The following INTS3 variants were observed in gnomAD, a reference collection of about 807,000 sequenced individuals.
The protein encoded by INTS3 is SOSS complex subunit A.
A neutral mutation model predicts 146.3 loss-of-function variants in INTS3; 34 were observed. That is an observed-to-expected ratio of 0.23 (90% CI 0.18 to 0.31). The LOEUF is 0.31. Among genes scored for constraint, INTS3 ranks in the 10% least tolerant of loss-of-function variants. INTS3 has a pLI of 1.00. For missense variants in INTS3, 757 were observed against 1,304.2 expected, an observed-to-expected ratio of 0.58 and a Z score of 6.46; for synonymous variants, 475 against 494.9, an observed-to-expected ratio of 0.96 and a Z score of 0.53.
Position 153,761,634 on chromosome 1 carries a change from A to G in INTS3, c.1474A>G (p.Lys492Glu). 1 of 1,614,176 alleles carries G rather than the reference A, an allele frequency of 6.2e-7. No individual in the cohort carries two copies. Among genetic ancestry groups the G allele is most frequent in the East Asian group, 2.2e-5 (1 of 44,878 alleles). ...GGAGCTGCGGGCAATGCTGAGAGAG[A>G]AGTTTCCTGAGTTCTGCAGCTCACC... is the stretch of plus-strand genomic sequence containing the variant. ...DKELRAMLREKFPEFCSSPSP... is the reference protein window; with the variant it reads ...DKELRAMLREEFPEFCSSPSP... The change falls in exon 14 of 30, where the codon AAG becomes GAG. Residue 492 changes from lysine to glutamate, a missense_variant. Around this residue, in one of 8 missense-constraint regions of INTS3, gnomAD observed 97 missense variants for 113.6 expected, o/e 0.85. Transcript: ENST00000318967.
chr1:153,746,885 G>A, intron 3 of INTS3, 72 bp from the exon 4 acceptor site: 1 of 833,748 alleles, frequency 1.2e-6, no homozygotes, highest in Non-Finnish European at 2.0e-6. Flanking sequence ...TAGAGGGCAA[G>A]GGGTCCACTG....
At chr1:153,747,458 T>C in intron 5 of INTS3, 95 bp downstream of exon 5, 1 of 924,114 alleles carries the variant, frequency 1.1e-6, no homozygotes, top group Non-Finnish European at 1.8e-6. Context: ...AGGGATGGAA[T>C]TCTTGGATTG....
chr1:153,733,820 C>G lies in INTS3; in HGVS notation c.150+5036C>G, dbSNP rs184174738. 7.4e-3 allele frequency among the ~76,000 whole-genome samples: 1,131 copies of G among 152,112 alleles called. 11 individuals are homozygous for G. Among genetic ancestry groups the G allele is most frequent in the Middle Eastern group, 0.017 (5 of 294 alleles). ...GGGTTTCACCATGTTGGCCAGGCTG[C>G]TCTCGATCTCCTAACCTCGTGATTC... On this transcript the variant is annotated intron_variant, in intron 1 of 29. Transcript: ENST00000318967.
chr1:153,747,733 A>G (rs1296604871), intron 5 of INTS3: 1 of 271,988 alleles, frequency 3.7e-6, no homozygotes, highest in East Asian at 8.0e-5. Context: ...AGAAACCTAG[A>G]CATCTTCCCT....
At chr1:153,755,827 T>A (rs1672138606) in intron 9 of INTS3, among the ~76,000 whole-genome samples, 1 of 151,674 alleles carries the variant, frequency 6.6e-6, no homozygotes, top group South Asian at 2.1e-4. Flanking sequence ...TCACTTGAGA[T>A]CAGGAGTTTG....
In INTS3 at chr1:153,759,520, T is replaced by C; in HGVS notation, c.1150-6T>C. On this transcript the variant is annotated splice_polypyrimidine_tract_variant and splice_region_variant and intron_variant, in intron 10 of 29. Transcript: ENST00000318967. ...TAGCCCTCTGTTTCTCCCCTCTCTT[T>C]TCCAGTCAAATGTCGCTGCCTCCAA... 1.2e-6 allele frequency: 2 copies of C among 1,605,380 alleles called. No individual in the cohort carries two copies. Among genetic ancestry groups the C allele is most frequent in the Non-Finnish European group, 1.7e-6 (2 of 1,171,952 alleles).
At chr1:153,737,259 G>A (rs1671330787) in intron 1 of INTS3, among the ~76,000 whole-genome samples, 1 of 152,140 alleles carries the variant, frequency 6.6e-6, no homozygotes, top group Non-Finnish European at 1.5e-5. Context: ...CAGTTTTTGG[G>A]TTAATCCTCA....
At position 153,757,622 on chromosome 1, in the gene INTS3, C is replaced by T. The variant is rs1290472564; in HGVS notation, c.1008C>T (p.Tyr336=). The T allele has an allele frequency of 3.1e-6, 5 of 1,614,070 alleles. No individual in the cohort carries two copies. The highest frequency in any genetic ancestry group is 4.2e-6 in the Non-Finnish European group (5 of 1,180,028). ...KRYQDWFQRQ[Y]LSTPDSQSLR... is the part of the protein sequence containing the mutation. ...ACCAAGATTGGTTCCAGCGCCAGTA[C>T]CTGTCAACTCCAGATAGTCAGTCTC... is the stretch of plus-strand genomic sequence containing the variant. The change falls in exon 10 of 30, where the codon TAC becomes TAT. Residue 336 remains tyrosine, a synonymous_variant. Coordinates refer to ENST00000318967, the MANE Select transcript of INTS3 (RefSeq NM_023015.5). This position sits in a 1 kb window ranked among gnomAD's most constrained non-coding sequence, Gnocchi z 4.0.
intron 22 of INTS3, among the ~76,000 whole-genome samples, chr1:153,769,352 G>A (rs1672723739): frequency 6.6e-6 from 1 of 152,076 alleles, no homozygotes. Context: ...CTTTGCTCGG[G>A]TCCTTCTGAG....
intron 3 of INTS3, among the ~76,000 whole-genome samples, chr1:153,744,785 C>T (rs1420968330): frequency 6.6e-6 from 1 of 152,010 alleles, no homozygotes; most frequent in Non-Finnish European, 1.5e-5. Context: ...GCCTGTAATC[C>T]CAGTGTTTTG....
Position 153,772,115 on chromosome 1 carries a change from C to A in INTS3, c.2720+152C>A. On this transcript the variant is annotated intron_variant, in intron 26 of 29. Transcript: ENST00000318967. This position sits in a 1 kb window ranked among gnomAD's most constrained non-coding sequence, Gnocchi z 4.6. ...CATCTAGTGGTCCGAAGCCACATGG[C>A]ATGCGAGACCACCGTGGCCCTTTCT... The A allele has an allele frequency of 1.0e-6, 1 of 961,502 alleles. No homozygotes were observed. Among genetic ancestry groups the A allele is most frequent in the Non-Finnish European group, 1.5e-6 (1 of 653,268 alleles). 59.6% of individuals were successfully genotyped at this position (961,502 alleles called of 1,614,324 possible).
Position 153,760,731 on chromosome 1 carries a change from C to T in INTS3, c.1318-96C>T, listed in dbSNP as rs1672352732. The T allele has an allele frequency of 1.4e-5, 14 of 976,958 alleles. No homozygotes were observed. In the South Asian group the frequency reaches 1.8e-4, roughly 13 times the overall value. The allele number at this position is 976,958 out of a possible 1,614,324, so 60.5% of individuals were successfully genotyped here. A position where few individuals can be genotyped will look rare whatever the true frequency, so the allele number is the denominator to read the frequency against. ...CTCTGCAGCCATACTCCCCAGTGTC[C>T]CCTGATCAAAACCAAAGCAGCTTTT... On this transcript the variant is annotated intron_variant, in intron 12 of 29. Transcript: ENST00000318967.
intron 8 of INTS3, among the ~76,000 whole-genome samples, chr1:153,752,811 A>G (rs1470716693): frequency 6.6e-6 from 1 of 152,112 alleles, no homozygotes; most frequent in African/African-American, 2.4e-5. Context: ...GTCCTGTAAG[A>G]GAAGGCCCCT....
chr1:153,771,384 T>C (rs1294707590), intron 25 of INTS3, among the ~76,000 whole-genome samples: 1 of 152,172 alleles, frequency 6.6e-6, no homozygotes, highest in Non-Finnish European at 1.5e-5. Context: ...TGTATGGGGC[T>C]GTGACTTCAC....
At chr1:153,733,629 A>G (rs1035631136) in intron 1 of INTS3, among the ~76,000 whole-genome samples, 3 of 150,966 alleles carry the variant, frequency 2.0e-5, no homozygotes, top group Non-Finnish European at 4.4e-5. Flanking sequence ...TTGTGGGGAG[A>G]TGGATTCTCG....
In INTS3 at chr1:153,771,973, G is replaced by T. The variant is rs771815648; in HGVS notation, c.2720+10G>T. On this transcript the variant is annotated intron_variant, in intron 26 of 29. Transcript: ENST00000318967. ...CTCGCAAGAGACAGAGGTGGGACAC[G>T]GTCCCTGTCTACCCTCCAGGCCATG... is the stretch of plus-strand genomic sequence containing the variant. 6.2e-7 allele frequency: 1 copy of T among 1,609,088 alleles called. No homozygotes were observed. The highest frequency in any genetic ancestry group is 8.5e-7 in the Non-Finnish European group (1 of 1,177,432).
chr1:153,742,476 C>CTGTGTGTGTG (rs1161319800), intron 3 of INTS3, among the ~76,000 whole-genome samples: 3 of 60,250 alleles, frequency 5.0e-5, no homozygotes, highest in African/African-American at 2.4e-4. Context: ...GTTTTTTAAT[C>CTGTGTGTGTG]TCTGTGTGTG....
chr1:153,773,467 G>A lies in INTS3; in HGVS notation c.*197G>A. 1 of 619,162 alleles carries A rather than the reference G, an allele frequency of 1.6e-6. No individual in the cohort carries two copies. Among genetic ancestry groups the A allele is most frequent in the South Asian group, 2.0e-5 (1 of 50,364 alleles). 38.4% of individuals were successfully genotyped at this position (619,162 alleles called of 1,614,324 possible). The stretch of plus-strand genomic sequence containing the variant: ...AGCCCCTAGCCCCTTCCCTCCTCCT[G>A]GGGCCTCCAGCCCCTCACACTGCTG... On this transcript the variant is annotated 3_prime_UTR_variant, in exon 30 of 30. Transcript: ENST00000318967.
chr1:153,764,283 G>A (rs2101821602), intron 18 of INTS3, 62 bp downstream of exon 18: 1 of 1,116,034 alleles, frequency 9.0e-7, no homozygotes. Flanking sequence ...TACAGCCTGA[G>A]TCCAAGAGAC....
Sources: gnomAD v4.1 joint callset for allele counts (sites outside exome capture counted in the v4.1 genomes callset) on GRCh38, gnomAD v4.1.1 for gene constraint, gnomAD v4.1.1 regional missense constraint, Gnocchi (gnomAD v3.1) non-coding constraint, MANE v1.5 for transcripts, NCBI Gene and HGNC (gene_info 2026-07-23, HGNC 2026-07-21) for gene names.